Variants in PPP2R2B observed in about 807,000 individuals in gnomAD.
PPP2R2B encodes the protein protein phosphatase 2 regulatory subunit Bbeta, also known as serine/threonine-protein phosphatase 2A 55 kDa regulatory subunit B beta isoform.
PPP2R2B carries 5 observed loss-of-function variants against 46.0 expected under a neutral mutation model. The observed-to-expected ratio is 0.11, with a 90% CI of 0.06 to 0.23. PPP2R2B has a LOEUF of 0.23. PPP2R2B is among the 10% of genes least tolerant of loss of function. The probability of loss-of-function intolerance (pLI) is 1.00; values close to 1 mark genes in which losing one functional copy is unlikely to be tolerated. For synonymous variants in PPP2R2B, 215 were observed against 206.7 expected (o/e 1.04, Z -0.34); for missense variants, 367 against 575.0 (o/e 0.64, Z 3.70).
At chr5:146,597,731 A>G (rs2151011955) in intron 8 of PPP2R2B, among the ~76,000 whole-genome samples, 1 of 152,284 alleles carries the variant, frequency 6.6e-6, no homozygotes, top group South Asian at 2.1e-4. Flanking sequence ...GTACTTTACC[A>G]CTTTTCTTCC....
At chr5:146,617,736 C>T (rs528913808) in intron 7 of PPP2R2B, among the ~76,000 whole-genome samples, 4 of 151,210 alleles carry the variant, frequency 2.6e-5, no homozygotes, top group African/African-American at 7.3e-5. Context: ...GCTCTGTCAC[C>T]GAGGCTGGAG....
At position 146,921,913 on chromosome 5, in the gene PPP2R2B, T is replaced by C. The variant is rs138673166; in HGVS notation, c.79+133752A>G. On this transcript the variant is annotated intron_variant, in intron 1 of 8. Transcript: ENST00000336640. Reference sequence around the variant, plus strand: ...GTGCAAGTCACTTGGATGAGTGCTTTAATTTATTTAACTTTTATTTCTTCT... The same window carrying C: ...GTGCAAGTCACTTGGATGAGTGCTTCAATTTATTTAACTTTTATTTCTTCT... Among the ~76,000 whole-genome samples, 238 of 152,360 alleles carry C rather than the reference T, an allele frequency of 1.6e-3. 1 individual carries two copies. The highest frequency in any genetic ancestry group is 2.1e-3 in the Non-Finnish European group (142 of 68,034).
At chr5:146,668,374 C>T (rs1371962302) in intron 5 of PPP2R2B, among the ~76,000 whole-genome samples, 2 of 152,160 alleles carry the variant, frequency 1.3e-5, no homozygotes, top group African/African-American at 4.8e-5. Context: ...TTATAATTGC[C>T]TTTCAATCTT....
intron 1 of PPP2R2B, among the ~76,000 whole-genome samples, chr5:146,928,516 G>T (rs137864799): frequency 1.3e-5 from 2 of 152,034 alleles, no homozygotes; most frequent in African/African-American, 4.8e-5. Context: ...CATACCATCA[G>T]GAAATTCTGC....
At chr5:146,706,162 G>C (rs1779832671) in intron 2 of PPP2R2B, among the ~76,000 whole-genome samples, 1 of 152,036 alleles carries the variant, frequency 6.6e-6, no homozygotes, top group African/African-American at 2.4e-5. Flanking sequence ...CTAGGCTTTG[G>C]GGCAGCCGTA....
chr5:146,771,228 A>G (rs1288925598), intron 2 of PPP2R2B, among the ~76,000 whole-genome samples: 1 of 152,162 alleles, frequency 6.6e-6, no homozygotes, highest in African/African-American at 2.4e-5. Context: ...AGACTGAATG[A>G]GCAGTGAAAT....
intron 1 of PPP2R2B, among the ~76,000 whole-genome samples, chr5:147,044,076 G>A (rs1756437596): frequency 2.6e-5 from 4 of 152,012 alleles, no homozygotes; most frequent in Admixed American, 2.6e-4. Context: ...CATTAGAATA[G>A]GGCTAGCCAC....
At chr5:147,072,548 A>G (rs1278260306) in intron 2 of PPP2R2B, among the ~76,000 whole-genome samples, 1 of 152,166 alleles carries the variant, frequency 6.6e-6, no homozygotes, top group Non-Finnish European at 1.5e-5. Context: ...ATATGTTGTT[A>G]AACTTTCTGA....
At chr5:146,600,905 T>C (rs1425067871) in intron 7 of PPP2R2B, among the ~76,000 whole-genome samples, 3 of 152,222 alleles carry the variant, frequency 2.0e-5, no homozygotes, top group Non-Finnish European at 4.4e-5. Flanking sequence ...ATTTAGAATA[T>C]GTTCTTTACC....
chr5:147,077,277 C>T (rs781355820), intron 2 of PPP2R2B, among the ~76,000 whole-genome samples: 4,365 of 32,850 alleles, frequency 0.13, 89 homozygotes, highest in African/African-American at 0.17. Context: ...TGTGTGTATA[C>T]ACACACACAC....
chr5:146,647,512 G>C (rs1290065877), intron 6 of PPP2R2B, among the ~76,000 whole-genome samples: 2 of 152,192 alleles, frequency 1.3e-5, no homozygotes, highest in Non-Finnish European at 2.9e-5. Flanking sequence ...TGATGACAAT[G>C]ATTATTTTAC....
At chr5:146,740,356 G>A (rs1051860738) in intron 2 of PPP2R2B, among the ~76,000 whole-genome samples, 1 of 152,152 alleles carries the variant, frequency 6.6e-6, no homozygotes, top group Admixed American at 6.5e-5. Flanking sequence ...GCACCTGATA[G>A]TTAACCCAGT....
At chr5:146,772,667 T>C (rs944153234) in intron 2 of PPP2R2B, among the ~76,000 whole-genome samples, 1 of 152,098 alleles carries the variant, frequency 6.6e-6, no homozygotes, top group Non-Finnish European at 1.5e-5. Flanking sequence ...ATGGAACTCC[T>C]CAAGGGCCAC....
At chr5:146,706,474 C>T (rs1779860889) in intron 2 of PPP2R2B, 12 of 1,159,302 alleles carry the variant, frequency 1.0e-5, no homozygotes, top group Non-Finnish European at 1.5e-5. Flanking sequence ...ATCTCGATGT[C>T]CAGGGTCAGC....
Position 146,638,302 on chromosome 5 carries a change from T to C in PPP2R2B, c.739A>G (p.Ile247Val). 1 of 1,614,014 alleles carries C rather than the reference T, an allele frequency of 6.2e-7. No individual in the cohort carries two copies. Among genetic ancestry groups the C allele is most frequent in the Non-Finnish European group, 8.5e-7 (1 of 1,179,906 alleles). Reference sequence around the variant, plus strand: ...GATGCCCGCATGTCACACAGCCGGATTGTCCCTTTGCTGCTGCTGTACACG... The same window carrying C: ...GATGCCCGCATGTCACACAGCCGGACTGTCCCTTTGCTGCTGCTGTACACG... The part of the protein sequence containing the change: ...TFVYSSSKGT[I>V]RLCDMRASAL... Residue 247 changes from isoleucine (I) to valine (V), a missense_variant, in exon 7 of 10, where the codon ATC becomes GTC. By Grantham distance (29) the Ile-to-Val change is conservative (BLOSUM62 3). Transcript: ENST00000394411.
chr5:146,984,576 T>TGA (rs879587554), intron 1 of PPP2R2B, among the ~76,000 whole-genome samples: 1 of 152,196 alleles, frequency 6.6e-6, no homozygotes, highest in Non-Finnish European at 1.5e-5. Flanking sequence ...GACAAACTGA[T>TGA]TTTAATGTCT....
At chr5:146,811,388 C>G (rs1056685367) in intron 2 of PPP2R2B, among the ~76,000 whole-genome samples, 1 of 152,210 alleles carries the variant, frequency 6.6e-6, no homozygotes, top group East Asian at 1.9e-4. Context: ...AACCTTGTCC[C>G]ACATCTCCAT....
chr5:146,781,131 GATATATAT>G (rs56697862), intron 2 of PPP2R2B, among the ~76,000 whole-genome samples: 1,071 of 49,414 alleles, frequency 0.022, 29 homozygotes, highest in South Asian at 0.039. Context: ...ATGCCACCAT[GATATATAT>G]ATATATATAT....
At chr5:146,864,826 C>T (rs1761216311) in intron 2 of PPP2R2B, among the ~76,000 whole-genome samples, 3 of 152,058 alleles carry the variant, frequency 2.0e-5, no homozygotes, top group African/African-American at 7.2e-5. Flanking sequence ...ACATAAGTTT[C>T]CTAGGATAAA....
Sources: gnomAD v4.1 joint callset for allele counts (sites outside exome capture counted in the v4.1 genomes callset) on GRCh38, gnomAD v4.1.1 for gene constraint, MANE v1.5 for transcripts, NCBI Gene and HGNC (gene_info 2026-07-23, HGNC 2026-07-21) for gene names.